HTT: variants seen among roughly 807,000 people sequenced by gnomAD.
The protein encoded by HTT is huntingtin, also known as huntington disease protein.
HTT carries 104 observed loss-of-function variants against 362.3 expected under a neutral mutation model. The observed-to-expected ratio is 0.29, with a 90% confidence interval of 0.24 to 0.34. The LOEUF is 0.34. Ranked by LOEUF, HTT falls within the 10% of genes least tolerant of loss-of-function variation. HTT has a pLI of 1.00. For synonymous variants in HTT, 1,577 were observed against 1,548.7 expected, an observed-to-expected ratio of 1.02 and a Z score of -0.43; for missense variants, 3,301 against 3,928.6, an observed-to-expected ratio of 0.84 and a Z score of 4.27.
rs1310718526 is a variant in HTT, at chr4:3,218,997, C to T, written c.7242+1045C>T. ...AGTCTAGGGAGGCTTGCTCCAAGGA[C>T]GCAGTATTGTTTGATCCTGAGAGAT... On this transcript the variant is annotated intron_variant, in intron 52 of 66. Coordinates refer to ENST00000355072, the MANE Select transcript of HTT (RefSeq NM_001388492.1). The surrounding 1 kb of genome is among the most constrained non-coding windows in gnomAD (Gnocchi z 4.4). 2.0e-5 allele frequency among the ~76,000 whole-genome samples: 3 copies of T among 152,146 alleles called. No homozygotes were observed. Among genetic ancestry groups the T allele is most frequent in the East Asian group, 1.9e-4 (1 of 5,196 alleles).
At chr4:3,194,817 C>T (rs1719172108) in intron 40 of HTT, among the ~76,000 whole-genome samples, 1 of 152,128 alleles carries the variant, frequency 6.6e-6, no homozygotes. Context: ...GAAAGTGGTC[C>T]TTTCTATAGT....
chr4:3,100,112 A>C (rs1009976289), intron 3 of HTT, among the ~76,000 whole-genome samples: 1 of 152,218 alleles, frequency 6.6e-6, no homozygotes, highest in African/African-American at 2.4e-5. Flanking sequence ...GGAAAATGTC[A>C]CTACAGGCAC....
intron 9 of HTT, among the ~76,000 whole-genome samples, chr4:3,122,347 A>G (rs953521541): frequency 2.6e-5 from 4 of 152,344 alleles, no homozygotes; most frequent in African/African-American, 4.8e-5. Flanking sequence ...AGCCACTGCA[A>G]CGTGGTCGGT....
intron 7 of HTT, 126 bp from the exon 8 acceptor site, chr4:3,115,959 C>T (rs758885795): frequency 2.1e-5 from 18 of 854,332 alleles, no homozygotes; most frequent in South Asian, 3.1e-5. Context: ...GGCCTCATGG[C>T]GTACTCGTTC....
At chr4:3,168,691 C>T (rs1248710611) in intron 29 of HTT, among the ~76,000 whole-genome samples, 2 of 152,086 alleles carry the variant, frequency 1.3e-5, no homozygotes, top group African/African-American at 4.8e-5. Flanking sequence ...ACTTTATCTG[C>T]AAACCGGGAA....
chr4:3,088,586 C>G (rs1182063690), intron 2 of HTT, among the ~76,000 whole-genome samples: 1 of 152,202 alleles, frequency 6.6e-6, no homozygotes, highest in African/African-American at 2.4e-5. Flanking sequence ...TCACTGCCAT[C>G]TACTTCATAA....
intron 40 of HTT, among the ~76,000 whole-genome samples, chr4:3,192,485 A>G (rs1344268559): frequency 1.3e-5 from 2 of 152,120 alleles, no homozygotes; most frequent in African/African-American, 4.8e-5. Context: ...GGCCTATGTG[A>G]TTGGCCTTGC....
At chr4:3,142,167 T>G (rs1716379834) in intron 22 of HTT, among the ~76,000 whole-genome samples, 1 of 152,212 alleles carries the variant, frequency 6.6e-6, no homozygotes, top group Non-Finnish European at 1.5e-5. Flanking sequence ...AGTGTGCTGC[T>G]TAGCTGCCTA....
intron 14 of HTT, 32 bp from the exon 15 acceptor site, chr4:3,131,254 G>A: frequency 6.8e-7 from 1 of 1,461,352 alleles, no homozygotes; most frequent in Non-Finnish European, 9.6e-7. Flanking sequence ...TGTTGAGTAT[G>A]AGACAAACAA....
chr4:3,177,249 T>C, intron 33 of HTT, 83 bp from the exon 34 acceptor site: 1 of 868,186 alleles, frequency 1.2e-6, no homozygotes, highest in Non-Finnish European at 1.9e-6. Context: ...TTAAAATTTA[T>C]GCAGATAAGC....
At chr4:3,096,665 A>G (rs1713871956) in intron 2 of HTT, among the ~76,000 whole-genome samples, 1 of 152,236 alleles carries the variant, frequency 6.6e-6, no homozygotes, top group African/African-American at 2.4e-5. Flanking sequence ...GGATTGACTG[A>G]TATAAAAACA....
Position 3,186,843 on chromosome 4 carries a change from T to G in HTT, c.4989+124T>G, listed in dbSNP as rs941378543. The G allele has an allele frequency of 6.3e-6, 4 of 632,852 alleles. No homozygotes were observed. In the South Asian group the frequency reaches 9.1e-5, roughly 14 times the overall value. The allele number at this position is 632,852 out of a possible 1,614,324, so 39.2% of individuals were successfully genotyped here. The stretch of plus-strand genomic sequence containing the variant: ...TAGGGCTTCTTGAGAGTTTGCTTTT[T>G]TTTTTTTTTTTTTTTTTGGTGTGGG... On this transcript the variant is annotated intron_variant, in intron 38 of 66. Transcript: ENST00000355072.
At chr4:3,075,813 C>T (rs1712514696) in intron 1 of HTT, among the ~76,000 whole-genome samples, 1 of 152,128 alleles carries the variant, frequency 6.6e-6, no homozygotes, top group Non-Finnish European at 1.5e-5. Context: ...AAGAGATCTG[C>T]TCATCTAAGC....
intron 40 of HTT, 83 bp downstream of exon 40, chr4:3,189,176 C>A: frequency 7.2e-7 from 1 of 1,389,516 alleles, no homozygotes; most frequent in South Asian, 1.4e-5. Context: ...AGCTGTGCTG[C>A]CCGGTAGAAA....
intron 37 of HTT, 94 bp from the exon 38 acceptor site, chr4:3,186,503 A>G (rs1202694493): frequency 2.2e-6 from 3 of 1,368,426 alleles, no homozygotes; most frequent in Non-Finnish European, 3.1e-6. Context: ...TGAGATGATT[A>G]TGATGATTTG....
chr4:3,134,582 A>AT (rs764761387), intron 19 of HTT, 42 bp downstream of exon 19: 1 of 1,566,732 alleles, frequency 6.4e-7, no homozygotes, highest in Non-Finnish European at 8.7e-7. Context: ...ACTAAGCTCA[A>AT]TTGAAAGTTC....
In HTT at chr4:3,115,838, C is replaced by T. The variant is rs990504561; in HGVS notation, c.890-247C>T. On this transcript the variant is annotated intron_variant, in intron 7 of 66. Coordinates refer to ENST00000355072, the MANE Select transcript of HTT (RefSeq NM_001388492.1). ...AAACGAACACTGGCAAGTGCTGAAG[C>T]GAGCATGTGGACGTGCGATATGAAA... Among the ~76,000 whole-genome samples the T allele has an allele frequency of 2.0e-4, 30 of 152,184 alleles. 1 individual carries two copies. Among genetic ancestry groups the T allele is most frequent in the African/African-American group, 5.3e-4 (22 of 41,436 alleles).
At position 3,235,551 on chromosome 4, in the gene HTT, T is replaced by C. The variant is rs376785504; in HGVS notation, c.8572-14T>C. 3 of 1,611,342 alleles carry C rather than the reference T, an allele frequency of 1.9e-6. No individual in the cohort carries two copies. In the African/African-American group the frequency reaches 4.0e-5, roughly 22 times the overall value. ...CAGCGATTCTTTGACACAGAGGCCTTTCTCCCTGTGCAGATGTGTGGGGTG... is the reference window on the plus strand; with the variant it reads ...CAGCGATTCTTTGACACAGAGGCCTCTCTCCCTGTGCAGATGTGTGGGGTG... On this transcript the variant is annotated splice_polypyrimidine_tract_variant and intron_variant, in intron 62 of 66. Coordinates refer to ENST00000355072, the MANE Select transcript of HTT (RefSeq NM_001388492.1).
intron 2 of HTT, among the ~76,000 whole-genome samples, chr4:3,091,540 T>C (rs1460722772): frequency 6.6e-6 from 1 of 152,188 alleles, no homozygotes; most frequent in Non-Finnish European, 1.5e-5. Context: ...TGACAGCATA[T>C]AGATCAAAGG....
Sources: allele counts gnomAD v4.1 joint callset (sites outside exome capture counted in the v4.1 genomes callset), GRCh38; gene constraint gnomAD v4.1.1; non-coding constraint Gnocchi (gnomAD v3.1); transcripts MANE v1.5; gene names NCBI Gene and HGNC (gene_info 2026-07-23, HGNC 2026-07-21).